The following KCNH7 variants were observed in gnomAD, a reference collection of about 807,000 sequenced individuals.
KCNH7 encodes the protein potassium voltage-gated channel subfamily H member 7.
Under a neutral mutation model 120.8 loss-of-function variants are expected in KCNH7, and 49 were observed. That is an observed-to-expected ratio of 0.41 (90% confidence interval 0.32 to 0.51). KCNH7 has a LOEUF of 0.51. Ranked by LOEUF, KCNH7 falls within the 20% of genes least tolerant of loss-of-function variation. KCNH7 has a pLI of 0.38. For missense variants in KCNH7, 1,097 were observed against 1,446.6 expected (o/e 0.76, Z 3.92); for synonymous variants, 547 against 516.1 (o/e 1.06, Z -0.81).
At chr2:162,816,424 A>G (rs575287064) in intron 2 of KCNH7, among the ~76,000 whole-genome samples, 9 of 152,158 alleles carry the variant, frequency 5.9e-5, no homozygotes, top group African/African-American at 9.7e-5. Context: ...GCCCTTTCCC[A>G]TAATAGAAAG....
chr2:162,481,025 C>T (rs953069992), intron 6 of KCNH7, among the ~76,000 whole-genome samples: 1 of 152,136 alleles, frequency 6.6e-6, no homozygotes, highest in Non-Finnish European at 1.5e-5. Flanking sequence ...CTTCTGGCTT[C>T]CTTCGTGTTT....
intron 6 of KCNH7, among the ~76,000 whole-genome samples, chr2:162,484,747 G>A (rs1445541229): frequency 6.6e-6 from 1 of 152,162 alleles, no homozygotes; most frequent in East Asian, 1.9e-4. Context: ...GGTAATGAGT[G>A]AATTCTTGCT....
intron 2 of KCNH7, among the ~76,000 whole-genome samples, chr2:162,770,033 A>G (rs1194723408): frequency 6.6e-6 from 1 of 152,114 alleles, no homozygotes; most frequent in Admixed American, 6.6e-5. Flanking sequence ...GGAGCTTTTA[A>G]ACTTTAAATT....
intron 2 of KCNH7, among the ~76,000 whole-genome samples, chr2:162,779,858 C>T (rs994328370): frequency 6.6e-6 from 1 of 152,148 alleles, no homozygotes; most frequent in African/African-American, 2.4e-5. Context: ...CTCTCTCTTG[C>T]ATGTGTTCAG....
intron 2 of KCNH7, among the ~76,000 whole-genome samples, chr2:162,703,722 T>G (rs1686595715): frequency 2.0e-5 from 3 of 152,130 alleles, no homozygotes; most frequent in African/African-American, 7.2e-5. Context: ...ACTTCACAAT[T>G]CAACTGAGAA....
intron 3 of KCNH7, among the ~76,000 whole-genome samples, chr2:162,519,011 G>A (rs1035836226): frequency 2.0e-5 from 3 of 151,612 alleles, no homozygotes; most frequent in African/African-American, 7.3e-5. Context: ...AGTAAAAACT[G>A]CAAAGTAATA....
intron 2 of KCNH7, among the ~76,000 whole-genome samples, chr2:162,581,544 C>T (rs1232440829): frequency 6.6e-6 from 1 of 152,038 alleles, no homozygotes; most frequent in Non-Finnish European, 1.5e-5. Context: ...GGTTATATCA[C>T]CTGCTTGTCC....
chr2:162,762,701 C>A (rs1210733534), intron 2 of KCNH7, among the ~76,000 whole-genome samples: 2 of 151,998 alleles, frequency 1.3e-5, no homozygotes, highest in Non-Finnish European at 2.9e-5. Context: ...GGATTTTAGT[C>A]ATAGTGTCAG....
chr2:162,795,049 G>A (rs1684089326), intron 2 of KCNH7, among the ~76,000 whole-genome samples: 1 of 151,878 alleles, frequency 6.6e-6, no homozygotes, highest in Admixed American at 6.6e-5. Context: ...ATATGCTTTA[G>A]TTTTTAATAT....
chr2:162,769,691 T>A (rs1204049171), intron 2 of KCNH7, among the ~76,000 whole-genome samples: 1 of 151,896 alleles, frequency 6.6e-6, no homozygotes, highest in Non-Finnish European at 1.5e-5. Flanking sequence ...CATATATATG[T>A]TAGGTTATAA....
chr2:162,644,271 A>T (rs554659108), intron 2 of KCNH7, among the ~76,000 whole-genome samples: 9 of 152,014 alleles, frequency 5.9e-5, no homozygotes, highest in Non-Finnish European at 1.3e-4. Context: ...AATAAGAAGA[A>T]ACTGATAGTG....
chr2:162,651,366 C>A (rs1312159355), intron 2 of KCNH7, among the ~76,000 whole-genome samples: 1 of 152,110 alleles, frequency 6.6e-6, no homozygotes, highest in African/African-American at 2.4e-5. Flanking sequence ...TCCCTCCTCC[C>A]ACCCCACCCC....
chr2:162,566,898 T>TA (rs1345734077), intron 2 of KCNH7, among the ~76,000 whole-genome samples: 1 of 151,942 alleles, frequency 6.6e-6, no homozygotes. Context: ...AGCCTAGTCT[T>TA]AAAAAAATAG....
intron 13 of KCNH7, among the ~76,000 whole-genome samples, chr2:162,380,429 A>C (rs1393127741): frequency 6.6e-6 from 1 of 152,108 alleles, no homozygotes; most frequent in East Asian, 1.9e-4. Context: ...GCTCTTTCCC[A>C]CAGGATAACT....
chr2:162,770,186 C>T (rs927859742), intron 2 of KCNH7, among the ~76,000 whole-genome samples: 2 of 151,528 alleles, frequency 1.3e-5, no homozygotes, highest in East Asian at 3.9e-4. Context: ...CATCCCTTTA[C>T]TTTATAAAAT....
At chr2:162,824,657 C>T (rs937937115) in intron 2 of KCNH7, among the ~76,000 whole-genome samples, 4 of 152,178 alleles carry the variant, frequency 2.6e-5, no homozygotes, top group Non-Finnish European at 4.4e-5. Flanking sequence ...TTATCTGATA[C>T]TGTGTTATAA....
At chr2:162,491,496 C>G (rs1286691848) in intron 6 of KCNH7, among the ~76,000 whole-genome samples, 1 of 152,108 alleles carries the variant, frequency 6.6e-6, no homozygotes, top group African/African-American at 2.4e-5. Flanking sequence ...CAATTAGGCC[C>G]CCTCCCATTT....
In KCNH7 at chr2:162,534,446, T is replaced by TA. The variant is rs574460860; in HGVS notation, c.463+2478dup. Among the ~76,000 whole-genome samples the TA allele has an allele frequency of 1.0e-3, 158 of 151,540 alleles. 1 individual carries two copies. Among genetic ancestry groups the TA allele is most frequent in the Non-Finnish European group, 1.6e-4 (11 of 67,602 alleles). On this transcript the variant is annotated intron_variant, in intron 3 of 15. Coordinates refer to ENST00000332142, the MANE Select transcript of KCNH7 (RefSeq NM_033272.4). Reference sequence around the variant, plus strand: ...AAACTATAGGAACTGAGGATTTTTTTAAAAAATCATAAAATACTACCTTGC... The same window carrying TA: ...AAACTATAGGAACTGAGGATTTTTTTAAAAAAATCATAAAATACTACCTTGC...
chr2:162,589,393 GTGTGTT>G (rs1202324335), intron 2 of KCNH7, among the ~76,000 whole-genome samples: 2 of 152,044 alleles, frequency 1.3e-5, no homozygotes. Flanking sequence ...GGAATGAGAG[GTGTGTT>G]TGTGTTTGTG....
Sources: gnomAD v4.1 joint callset for allele counts (sites outside exome capture counted in the v4.1 genomes callset) on GRCh38, gnomAD v4.1.1 for gene constraint, MANE v1.5 for transcripts, NCBI Gene and HGNC (gene_info 2026-07-23, HGNC 2026-07-21) for gene names.